The following MEOX2 variants were observed in gnomAD, a reference collection of about 807,000 sequenced individuals.
MEOX2 encodes mesenchyme homeobox 2.
Under a neutral mutation model 27.0 loss-of-function variants are expected in MEOX2, and 11 were observed. The observed-to-expected ratio is 0.41, with a 90% confidence interval of 0.26 to 0.68. The LOEUF is 0.68. MEOX2 is among the 30% of genes least tolerant of loss of function. The pLI is 0.33. For synonymous variants in MEOX2, 189 were observed against 155.4 expected (o/e 1.22, Z -1.61); for missense variants, 436 against 385.4 (o/e 1.13, Z -1.10).
intron 1 of MEOX2, among the ~76,000 whole-genome samples, chr7:15,657,010 G>T (rs1433760671): frequency 6.6e-6 from 1 of 152,048 alleles, no homozygotes; most frequent in Admixed American, 6.6e-5. Context: ...GGAAAATGTT[G>T]TACTACTTCT....
intron 1 of MEOX2, among the ~76,000 whole-genome samples, chr7:15,652,264 GA>G (rs1418209500): frequency 2.6e-5 from 4 of 151,978 alleles, no homozygotes; most frequent in Non-Finnish European, 5.9e-5. Context: ...TGCCTCTTTA[GA>G]ACCCTGTCAT....
At chr7:15,655,599 T>A (rs1562607339) in intron 1 of MEOX2, among the ~76,000 whole-genome samples, 1 of 151,824 alleles carries the variant, frequency 6.6e-6, no homozygotes, top group Non-Finnish European at 1.5e-5. Context: ...AATGTATTTT[T>A]TATTTCTACC....
Position 15,612,142 on chromosome 7 carries a change from G to A in MEOX2, c.*245C>T, listed in dbSNP as rs1407830353. On this transcript the variant is annotated 3_prime_UTR_variant, in exon 3 of 3. Coordinates refer to ENST00000262041, the MANE Select transcript of MEOX2 (RefSeq NM_005924.5). The stretch of plus-strand genomic sequence containing the variant: ...AACACATACCTGCTCACTGCCATAC[G>A]CACGACCAAACACATCTGGAATATT... 3.7e-6 allele frequency: 2 copies of A among 541,606 alleles called. No homozygotes were observed. Among genetic ancestry groups the A allele is most frequent in the Non-Finnish European group, 6.6e-6 (2 of 302,020 alleles). The allele number at this position is 541,606 out of a possible 1,614,324, so 33.6% of individuals were successfully genotyped here. A position where few individuals can be genotyped will look rare whatever the true frequency, so the allele number is the denominator to read the frequency against.
At chr7:15,680,230 A>C (rs1782270968) in intron 1 of MEOX2, 1 of 151,970 alleles carries the variant, frequency 6.6e-6, no homozygotes, top group African/African-American at 2.4e-5. Flanking sequence ...TGAAACATAA[A>C]AACAACATCT....
At chr7:15,621,792 T>C (rs1241493564) in intron 2 of MEOX2, among the ~76,000 whole-genome samples, 2 of 152,092 alleles carry the variant, frequency 1.3e-5, no homozygotes, top group African/African-American at 2.4e-5. Context: ...GTAAAGTAAG[T>C]TTTCATTTAG....
intron 1 of MEOX2, among the ~76,000 whole-genome samples, chr7:15,632,861 G>C (rs1380376911): frequency 6.6e-6 from 1 of 151,908 alleles, no homozygotes; most frequent in African/African-American, 2.4e-5. Flanking sequence ...ATAAACTAAA[G>C]AAAGATCATG....
intron 1 of MEOX2, among the ~76,000 whole-genome samples, chr7:15,659,997 G>T (rs188057729): frequency 1.8e-3 from 273 of 152,212 alleles, no homozygotes; most frequent in Middle Eastern, 3.4e-3. Context: ...AATGCAAAGT[G>T]ACTTATTCAA....
At chr7:15,619,157 A>C (rs1781174555) in intron 2 of MEOX2, among the ~76,000 whole-genome samples, 1 of 152,012 alleles carries the variant, frequency 6.6e-6, no homozygotes, top group South Asian at 2.1e-4. Flanking sequence ...GATAGTAGAA[A>C]ATTTTCTTAA....
intron 1 of MEOX2, among the ~76,000 whole-genome samples, chr7:15,654,315 A>G (rs549736593): frequency 1.3e-5 from 2 of 151,802 alleles, no homozygotes; most frequent in Non-Finnish European, 2.9e-5. Context: ...TTGTTGGTAA[A>G]TTCCATGGTT....
intron 1 of MEOX2, among the ~76,000 whole-genome samples, chr7:15,635,813 G>C (rs1186132470): frequency 2.6e-5 from 4 of 151,894 alleles, no homozygotes; most frequent in African/African-American, 7.2e-5. Context: ...GTTATTTTTG[G>C]CTAATGTACA....
At chr7:15,679,114 TA>T (rs2115396354) in intron 1 of MEOX2, 1 of 152,300 alleles carries the variant, frequency 6.6e-6, no homozygotes, top group African/African-American at 2.4e-5. Context: ...ATTATGCATT[TA>T]ATAAGGATGC....
intron 2 of MEOX2, among the ~76,000 whole-genome samples, chr7:15,619,231 T>C (rs754576438): frequency 1.3e-5 from 2 of 152,018 alleles, no homozygotes; most frequent in Non-Finnish European, 2.9e-5. Flanking sequence ...ATCTCAGTTT[T>C]AGAATTTTTT....
chr7:15,631,104 T>C (rs1465323697), intron 1 of MEOX2, among the ~76,000 whole-genome samples: 1 of 151,936 alleles, frequency 6.6e-6, no homozygotes, highest in African/African-American at 2.4e-5. Context: ...AAAACATCTA[T>C]TATTTCTTGT....
intron 1 of MEOX2, among the ~76,000 whole-genome samples, chr7:15,661,880 T>C (rs989245518): frequency 6.6e-6 from 1 of 152,200 alleles, no homozygotes; most frequent in African/African-American, 2.4e-5. Flanking sequence ...ACATAGATGC[T>C]ACTACCTCCA....
At chr7:15,640,250 G>GTT (rs1406115212) in intron 1 of MEOX2, among the ~76,000 whole-genome samples, 4 of 148,762 alleles carry the variant, frequency 2.7e-5, no homozygotes, top group South Asian at 4.2e-4. Flanking sequence ...TTGTGTGTGT[G>GTT]TGTTTGTGTG....
At chr7:15,676,814 CGCCACTGCACTCCA>C (rs1027623303) in intron 1 of MEOX2, among the ~76,000 whole-genome samples, 5 of 151,438 alleles carry the variant, frequency 3.3e-5, no homozygotes, top group South Asian at 4.2e-4. Flanking sequence ...GTCAAGATTG[CGCCACTGCACTCCA>C]GCCTGGGCAA....
intron 1 of MEOX2, among the ~76,000 whole-genome samples, chr7:15,656,531 T>C (rs528723791): frequency 6.6e-6 from 1 of 151,960 alleles, no homozygotes; most frequent in Admixed American, 6.6e-5. Flanking sequence ...TTTGATGTTG[T>C]GCTGGATATA....
intron 1 of MEOX2, among the ~76,000 whole-genome samples, chr7:15,649,974 A>C (rs536130359): frequency 1.1e-4 from 16 of 152,060 alleles, no homozygotes; most frequent in African/African-American, 3.9e-4. Flanking sequence ...AATTGCCACA[A>C]AGCAATTTGG....
intron 2 of MEOX2, among the ~76,000 whole-genome samples, chr7:15,614,358 C>A (rs1012947851): frequency 3.3e-5 from 5 of 151,848 alleles, no homozygotes; most frequent in African/African-American, 1.2e-4. Flanking sequence ...AGGTTGCAGT[C>A]AGTGGTTGTT....
Sources: allele counts gnomAD v4.1 joint callset (sites outside exome capture counted in the v4.1 genomes callset), GRCh38; gene constraint gnomAD v4.1.1; transcripts MANE v1.5; gene names NCBI Gene and HGNC (gene_info 2026-07-23, HGNC 2026-07-21).